Variants in DPP10 observed in about 807,000 individuals in gnomAD.
DPP10 encodes the protein inactive dipeptidyl peptidase 10.
In DPP10, 33 loss-of-function variants were observed where a neutral mutation model predicts 120.9. That is an observed-to-expected ratio of 0.27 (90% CI 0.21 to 0.37). The LOEUF (loss-of-function observed/expected upper bound fraction) is 0.37. Among genes scored for constraint, DPP10 ranks in the 10% least tolerant of loss-of-function variants. The pLI, the probability that DPP10 is intolerant of heterozygous loss-of-function variation, is 1.00. For synonymous variants in DPP10, 337 were observed against 326.1 expected (o/e 1.03, Z -0.36); for missense variants, 816 against 942.8 (o/e 0.87, Z 1.76).
At chr2:114,580,410 A>T (rs929550606) in intron 1 of DPP10, among the ~76,000 whole-genome samples, 1 of 152,122 alleles carries the variant, frequency 6.6e-6, no homozygotes, top group Non-Finnish European at 1.5e-5. Context: ...ATAACTATCC[A>T]CCCTGTCTGG....
intron 3 of DPP10, among the ~76,000 whole-genome samples, chr2:115,452,381 C>T (rs925414573): frequency 6.6e-6 from 1 of 151,890 alleles, no homozygotes; most frequent in Non-Finnish European, 1.5e-5. Context: ...GGCTGTGGCT[C>T]CCACACTCTC....
intron 3 of DPP10, among the ~76,000 whole-genome samples, chr2:115,416,562 T>C (rs1224161461): frequency 6.6e-6 from 1 of 152,062 alleles, no homozygotes; most frequent in East Asian, 1.9e-4. Context: ...TCTTTTCCAT[T>C]CCCGGTATCA....
intron 1 of DPP10, among the ~76,000 whole-genome samples, chr2:115,262,618 T>A (rs534445652): frequency 6.6e-6 from 1 of 152,242 alleles, no homozygotes; most frequent in East Asian, 1.9e-4. Context: ...AAATAAAAAT[T>A]CAAGTTTTCC....
At chr2:114,753,460 C>T (rs1225284382) in intron 1 of DPP10, among the ~76,000 whole-genome samples, 1 of 152,290 alleles carries the variant, frequency 6.6e-6, no homozygotes, top group African/African-American at 2.4e-5. Flanking sequence ...GAGGATTAAA[C>T]AAGCTATCAC....
chr2:115,762,595 G>T lies in DPP10; in HGVS notation c.1098G>T (p.Thr366=). ...CSKKYEMTSD[T]WLSQQNEEPV... ...AGAAATATGAGATGACATCAGATAC[G>T]TGGCTCTCTCAGCAGGTACAGTATA... The change falls in exon 12 of 26, where the codon ACG becomes ACT. Residue 366 remains threonine, a synonymous_variant. Transcript: ENST00000410059. The T allele has an allele frequency of 6.2e-7, 1 of 1,613,462 alleles. No individual in the cohort carries two copies.
intron 19 of DPP10, among the ~76,000 whole-genome samples, chr2:115,808,625 A>C (rs891118872): frequency 6.6e-6 from 1 of 152,320 alleles, no homozygotes; most frequent in East Asian, 1.9e-4. Context: ...GTCTAAAGCC[A>C]CTGGACCTGG....
At chr2:115,649,804 C>T (rs934284364) in intron 5 of DPP10, among the ~76,000 whole-genome samples, 1 of 152,010 alleles carries the variant, frequency 6.6e-6, no homozygotes, top group Non-Finnish European at 1.5e-5. Flanking sequence ...AATAAATATA[C>T]ATCCATTCTT....
chr2:114,643,939 T>A lies in DPP10; in HGVS notation c.60+201101T>A, dbSNP rs868803855. Among the ~76,000 whole-genome samples, 857 of 140,238 alleles carry A rather than the reference T, an allele frequency of 6.1e-3. 6 individuals are homozygous for A. The highest frequency in any genetic ancestry group is 0.021 in the Middle Eastern group (6 of 280). The allele number at this position is 140,238 out of a possible 152,430, so 92.0% of individuals were successfully genotyped here. ...TGTGTGTATATATATATATATATTT[T>A]TTTTTTTTTTTTTGAGACAGAGTCT... On this transcript the variant is annotated intron_variant, in intron 1 of 25. Coordinates refer to ENST00000410059, the MANE Select transcript of DPP10 (RefSeq NM_020868.6).
In DPP10 at chr2:114,466,537, G is replaced by C. The variant is rs578005946; in HGVS notation, c.60+23699G>C. On this transcript the variant is annotated intron_variant, in intron 1 of 25. Transcript: ENST00000410059. ...GTCAGAGCTATGTGACCTTAGGCAG[G>C]TTGTTTAATTTCTTGGAGCATGGCC... Among the ~76,000 whole-genome samples, 19 of 152,220 alleles carry C rather than the reference G, an allele frequency of 1.2e-4. No homozygotes were observed. The South Asian group carries it at 3.9e-3, about 32-fold the overall frequency.
intron 1 of DPP10, among the ~76,000 whole-genome samples, chr2:115,136,144 G>T (rs1559135203): frequency 7.0e-6 from 1 of 143,006 alleles, no homozygotes; most frequent in African/African-American, 2.6e-5. Flanking sequence ...GCACAAAACA[G>T]CAGCTACCTG....
At chr2:115,415,657 T>C (rs1486064829) in intron 3 of DPP10, among the ~76,000 whole-genome samples, 2 of 151,866 alleles carry the variant, frequency 1.3e-5, no homozygotes, top group South Asian at 4.1e-4. Context: ...TCCTTTAATT[T>C]TGTACTGATG....
At chr2:115,746,042 C>A in intron 9 of DPP10, 44 bp from the exon 10 acceptor site, 1 of 1,385,362 alleles carries the variant, frequency 7.2e-7, no homozygotes, top group Non-Finnish European at 1.0e-6. Flanking sequence ...CCAATATATT[C>A]TAATGCTTAA....
At chr2:115,011,504 T>C (rs1161647158) in intron 1 of DPP10, among the ~76,000 whole-genome samples, 1 of 152,206 alleles carries the variant, frequency 6.6e-6, no homozygotes, top group Non-Finnish European at 1.5e-5. Context: ...TTTTAACCCA[T>C]GGTAATATTG....
intron 5 of DPP10, among the ~76,000 whole-genome samples, chr2:115,637,563 A>C (rs80178506): frequency 0.093 from 14,170 of 152,224 alleles, 2,109 homozygotes; most frequent in African/African-American, 0.32. Context: ...TAAACCAATG[A>C]AATATATTGT....
At chr2:114,780,863 C>T (rs559150445) in intron 1 of DPP10, among the ~76,000 whole-genome samples, 13 of 152,124 alleles carry the variant, frequency 8.5e-5, no homozygotes, top group African/African-American at 3.1e-4. Flanking sequence ...ATGAGACAGT[C>T]TTTAAGTCAA....
intron 1 of DPP10, chr2:114,828,769 GCAGGCAGGTGCA>G (rs1686791040): frequency 6.6e-6 from 1 of 152,278 alleles, no homozygotes; most frequent in Admixed American, 6.5e-5. Flanking sequence ...AAGTGTCCAA[GCAGGCAGGTGCA>G]CATGCACTGG....
At chr2:114,553,884 G>C (rs1688077465) in intron 1 of DPP10, among the ~76,000 whole-genome samples, 1 of 152,182 alleles carries the variant, frequency 6.6e-6, no homozygotes, top group Non-Finnish European at 1.5e-5. Context: ...CACTGTTTCA[G>C]GATTGGAAAT....
intron 7 of DPP10, among the ~76,000 whole-genome samples, chr2:115,721,753 G>T (rs931468719): frequency 6.6e-6 from 1 of 152,072 alleles, no homozygotes; most frequent in African/African-American, 2.4e-5. Flanking sequence ...CCAGTTCTGG[G>T]TATTTATTCA....
chr2:114,943,645 A>C (rs895324275), intron 1 of DPP10, among the ~76,000 whole-genome samples: 1 of 152,206 alleles, frequency 6.6e-6, no homozygotes. Context: ...GCTATTGTGA[A>C]TAGTGCTGCA....
Sources: allele counts gnomAD v4.1 joint callset (sites outside exome capture counted in the v4.1 genomes callset), GRCh38; gene constraint gnomAD v4.1.1; transcripts MANE v1.5; gene names NCBI Gene and HGNC (gene_info 2026-07-23, HGNC 2026-07-21).